The following GRM7 variants were observed in gnomAD, a reference collection of about 807,000 sequenced individuals.
The protein encoded by GRM7 is metabotropic glutamate receptor 7.
In GRM7, 35 loss-of-function variants were observed where a neutral mutation model predicts 84.5. That is an observed-to-expected ratio of 0.41 (90% CI 0.32 to 0.55). GRM7 has a LOEUF of 0.55. Ranked by LOEUF, GRM7 falls within the 20% of genes least tolerant of loss-of-function variation. The pLI is 0.19. For missense variants in GRM7, 1,003 were observed against 1,194.6 expected (o/e 0.84, Z 2.36); for synonymous variants, 487 against 455.1 (o/e 1.07, Z -0.89).
chr3:6,923,392 G>A (rs1382751596), intron 1 of GRM7, among the ~76,000 whole-genome samples: 1 of 151,944 alleles, frequency 6.6e-6, no homozygotes, highest in Admixed American at 6.6e-5. Flanking sequence ...AAAAATAATA[G>A]TTGATTATCT....
At chr3:7,436,066 C>G (rs1697045200) in intron 5 of GRM7, among the ~76,000 whole-genome samples, 1 of 151,878 alleles carries the variant, frequency 6.6e-6, no homozygotes, top group Non-Finnish European at 1.5e-5. Context: ...AGGCTGGTCT[C>G]AAACTCCTGA....
At chr3:7,564,309 TA>T (rs1209624130) in intron 7 of GRM7, among the ~76,000 whole-genome samples, 1 of 152,140 alleles carries the variant, frequency 6.6e-6, no homozygotes, top group Non-Finnish European at 1.5e-5. Context: ...AGGAGGTAAT[TA>T]TTACTGTCTC....
At chr3:7,253,968 C>G (rs73809033) in intron 2 of GRM7, among the ~76,000 whole-genome samples, 5,057 of 152,206 alleles carry the variant, frequency 0.033, 269 homozygotes, top group African/African-American at 0.11. Flanking sequence ...ATTGTGAGCC[C>G]CTGTGGGATG....
intron 2 of GRM7, among the ~76,000 whole-genome samples, chr3:7,236,008 A>G (rs1213093276): frequency 6.6e-6 from 1 of 152,158 alleles, no homozygotes; most frequent in East Asian, 1.9e-4. Flanking sequence ...AGGTCCTTGC[A>G]GACACTGCAT....
At chr3:7,171,131 C>A (rs73124132) in intron 2 of GRM7, among the ~76,000 whole-genome samples, 2 of 152,154 alleles carry the variant, frequency 1.3e-5, no homozygotes, top group Non-Finnish European at 2.9e-5. Context: ...TTCCTGAAGT[C>A]TGGAAGTCTG....
intron 8 of GRM7, among the ~76,000 whole-genome samples, chr3:7,588,734 C>T (rs950365341): frequency 2.6e-5 from 4 of 152,328 alleles, no homozygotes; most frequent in Middle Eastern, 3.4e-3. Context: ...AGGAAACTCA[C>T]ACTCAGTAAG....
intron 8 of GRM7, among the ~76,000 whole-genome samples, chr3:7,631,615 T>C (rs1407021698): frequency 6.6e-6 from 1 of 152,128 alleles, no homozygotes; most frequent in Middle Eastern, 3.2e-3. Flanking sequence ...TTTTTCAACT[T>C]TTGCACTATT....
chr3:6,916,190 A>G (rs909145016), intron 1 of GRM7, among the ~76,000 whole-genome samples: 4 of 152,220 alleles, frequency 2.6e-5, no homozygotes, highest in Admixed American at 6.6e-5. Flanking sequence ...GGCAAAACAG[A>G]CAGAGCTCAT....
At chr3:7,333,931 A>C (rs112917559) in intron 4 of GRM7, among the ~76,000 whole-genome samples, 2,640 of 152,046 alleles carry the variant, frequency 0.017, 62 homozygotes, top group African/African-American at 0.055. Context: ...AAAGAATTTA[A>C]AAAATGAACA....
At chr3:7,287,175 G>A (rs1308764244) in intron 2 of GRM7, among the ~76,000 whole-genome samples, 2 of 152,188 alleles carry the variant, frequency 1.3e-5, no homozygotes, top group Non-Finnish European at 2.9e-5. Flanking sequence ...GTATACTAAC[G>A]TCATCTGGAG....
chr3:7,018,698 G>C (rs1388341584), intron 1 of GRM7, among the ~76,000 whole-genome samples: 1 of 152,246 alleles, frequency 6.6e-6, no homozygotes, highest in Non-Finnish European at 1.5e-5. Context: ...TGCTGCAGCA[G>C]TGGCTGGAAT....
At chr3:7,132,281 A>G (rs1559461095) in intron 1 of GRM7, among the ~76,000 whole-genome samples, 1 of 152,182 alleles carries the variant, frequency 6.6e-6, no homozygotes, top group East Asian at 1.9e-4. Flanking sequence ...CAAGCTACAT[A>G]TTATATTCCT....
intron 1 of GRM7, among the ~76,000 whole-genome samples, chr3:6,896,745 T>A (rs1696196728): frequency 6.6e-6 from 1 of 152,110 alleles, no homozygotes; most frequent in South Asian, 2.1e-4. Context: ...GCTGAAGATT[T>A]TTTTTTCCTT....
At chr3:6,882,009 A>G (rs1553580016) in intron 1 of GRM7, among the ~76,000 whole-genome samples, 1 of 151,268 alleles carries the variant, frequency 6.6e-6, no homozygotes, top group Non-Finnish European at 1.5e-5. Flanking sequence ...GATAAATCCA[A>G]CTGTGGTTCA....
At chr3:7,086,561 C>T (rs1428253269) in intron 1 of GRM7, among the ~76,000 whole-genome samples, 3 of 152,222 alleles carry the variant, frequency 2.0e-5, no homozygotes, top group Non-Finnish European at 4.4e-5. Context: ...GTGATAGTTG[C>T]TTAACACCCT....
At chr3:7,083,530 A>G (rs1199715542) in intron 1 of GRM7, among the ~76,000 whole-genome samples, 3 of 152,122 alleles carry the variant, frequency 2.0e-5, no homozygotes, top group Non-Finnish European at 4.4e-5. Flanking sequence ...TAATTATCTA[A>G]GAGTTCCTGA....
At chr3:7,070,588 G>A (rs73808633) in intron 1 of GRM7, among the ~76,000 whole-genome samples, 18,410 of 151,994 alleles carry the variant, frequency 0.12, 1,653 homozygotes, top group African/African-American at 0.25. Context: ...GGAAATATCC[G>A]GATGACAATT....
intron 2 of GRM7, among the ~76,000 whole-genome samples, chr3:7,254,991 G>A (rs902793312): frequency 6.6e-5 from 10 of 152,160 alleles, no homozygotes; most frequent in African/African-American, 2.4e-4. Flanking sequence ...CAGCTGTATT[G>A]CTAGACAGGT....
In GRM7 at chr3:7,676,126, G is replaced by C. The variant is rs574564536; in HGVS notation, c.2452-3923G>C. ...GAAATACCTAACCTTAAACAGGGCA[G>C]TGCATTATACAATAAGCATCAGGTA... On this transcript the variant is annotated intron_variant, in intron 8 of 9. Coordinates refer to ENST00000357716, the MANE Select transcript of GRM7 (RefSeq NM_000844.4). 2.0e-5 allele frequency among the ~76,000 whole-genome samples: 3 copies of C among 152,272 alleles called. No individual in the cohort carries two copies. The South Asian group carries it at 6.2e-4, about 32-fold the overall frequency.
Sources: gnomAD v4.1 joint callset for allele counts (sites outside exome capture counted in the v4.1 genomes callset) on GRCh38, gnomAD v4.1.1 for gene constraint, MANE v1.5 for transcripts, NCBI Gene and HGNC (gene_info 2026-07-23, HGNC 2026-07-21) for gene names.